Variants in TNFAIP8L3 observed in about 807,000 individuals in gnomAD.
The protein encoded by TNFAIP8L3 is TNF alpha induced protein 8 like 3, also known as tumor necrosis factor alpha-induced protein 8-like protein 3.
In TNFAIP8L3, 7 loss-of-function variants were observed where a neutral mutation model predicts 11.8. That is an observed-to-expected ratio of 0.59 (90% CI 0.34 to 1.11). The LOEUF is 1.11. Among genes scored for constraint, TNFAIP8L3 ranks in the 50% most tolerant of loss-of-function variants. TNFAIP8L3 has a pLI of 0.03. For missense variants in TNFAIP8L3, 219 were observed against 258.6 expected (o/e 0.85, Z 1.05); for synonymous variants, 98 against 103.8 (o/e 0.94, Z 0.34).
intron 1 of TNFAIP8L3, among the ~76,000 whole-genome samples, chr15:51,078,558 A>T (rs1283471698): frequency 6.6e-6 from 1 of 151,596 alleles, no homozygotes; most frequent in Non-Finnish European, 1.5e-5. Context: ...GACACTTCCC[A>T]AGTGTGAGAT....
upstream of TNFAIP8L3, among the ~76,000 whole-genome samples, chr15:51,095,690 A>G (rs78910850): frequency 0.023 from 3,530 of 152,280 alleles, 168 homozygotes; most frequent in African/African-American, 0.082. Context: ...TTACTAATTA[A>G]GAGCCCAAAC....
upstream of TNFAIP8L3, among the ~76,000 whole-genome samples, chr15:51,097,015 A>G (rs538055771): frequency 6.6e-6 from 1 of 152,304 alleles, no homozygotes; most frequent in Admixed American, 6.5e-5. Flanking sequence ...CTTTTCAGTT[A>G]TAAGGTAAAA....
At position 51,094,871 on chromosome 15, in the gene TNFAIP8L3, G is replaced by A. The variant is rs1237271194; in HGVS notation, c.-276C>T. On this transcript the variant is annotated 5_prime_UTR_variant, in exon 1 of 2. Coordinates refer to ENST00000637513, the MANE Select transcript of TNFAIP8L3 (RefSeq NM_001311175.2). The surrounding 1 kb of genome is among the most constrained non-coding windows in gnomAD (Gnocchi z 4.4). ...CCGGGAGACAGCCGGGAGGAGGGAGGGGAGGCGCGAGCGCCGAGGAGCCCG... is the reference window on the plus strand; with the variant it reads ...CCGGGAGACAGCCGGGAGGAGGGAGAGGAGGCGCGAGCGCCGAGGAGCCCG... Among the ~76,000 whole-genome samples, 2 of 151,156 alleles carry A rather than the reference G, an allele frequency of 1.3e-5. No individual in the cohort carries two copies. The highest frequency in any genetic ancestry group is 3.0e-5 in the Non-Finnish European group (2 of 67,768).
At chr15:51,070,498 G>A (rs147624156) in intron 1 of TNFAIP8L3, among the ~76,000 whole-genome samples, 3 of 152,268 alleles carry the variant, frequency 2.0e-5, no homozygotes, top group East Asian at 1.9e-4. Context: ...TAATGTCAGC[G>A]ATAGCAATGG....
upstream of TNFAIP8L3, among the ~76,000 whole-genome samples, chr15:51,097,409 G>A (rs79929332): frequency 4.0e-4 from 61 of 152,290 alleles, 1 homozygote; most frequent in South Asian, 0.011. Flanking sequence ...TTGGGCATGG[G>A]GGGGAGAGAA....
chr15:51,083,014 C>T (rs1232481008), intron 1 of TNFAIP8L3, among the ~76,000 whole-genome samples: 1 of 152,150 alleles, frequency 6.6e-6, no homozygotes, highest in African/African-American at 2.4e-5. Flanking sequence ...GGAATACCAA[C>T]TATTAAGGGT....
At chr15:51,075,562 G>A (rs1293166758) in intron 1 of TNFAIP8L3, among the ~76,000 whole-genome samples, 1 of 152,126 alleles carries the variant, frequency 6.6e-6, no homozygotes. Context: ...ACCACGGCAG[G>A]CACCCAAGAA....
At chr15:51,081,944 T>G (rs2065395326) in intron 1 of TNFAIP8L3, among the ~76,000 whole-genome samples, 1 of 152,184 alleles carries the variant, frequency 6.6e-6, no homozygotes, top group African/African-American at 2.4e-5. Context: ...ACAGTGGTCA[T>G]AGTCACTCAC....
At chr15:51,089,845 G>A (rs1300858105) in intron 1 of TNFAIP8L3, among the ~76,000 whole-genome samples, 1 of 152,326 alleles carries the variant, frequency 6.6e-6, no homozygotes, top group East Asian at 1.9e-4. Flanking sequence ...AGAGATCCGT[G>A]CAAATTTCAA....
chr15:51,072,030 T>C (rs1405315845), intron 1 of TNFAIP8L3, among the ~76,000 whole-genome samples: 2 of 152,242 alleles, frequency 1.3e-5, no homozygotes, highest in East Asian at 1.9e-4. Flanking sequence ...TTTTCTTTTT[T>C]GTATATTTTG....
At chr15:51,061,752 T>G (rs986096379) in intron 1 of TNFAIP8L3, among the ~76,000 whole-genome samples, 2 of 152,192 alleles carry the variant, frequency 1.3e-5, no homozygotes, top group South Asian at 4.1e-4. Context: ...ATTAAAAATT[T>G]TCCTTTGGAG....
At chr15:51,093,231 G>C (rs564562487) in intron 1 of TNFAIP8L3, among the ~76,000 whole-genome samples, 57 of 152,318 alleles carry the variant, frequency 3.7e-4, no homozygotes, top group Non-Finnish European at 4.9e-4. Context: ...CACGCATCTT[G>C]GCATTTCCTT....
intron 1 of TNFAIP8L3, among the ~76,000 whole-genome samples, chr15:51,072,686 C>T (rs187411997): frequency 1.3e-5 from 2 of 152,192 alleles, no homozygotes; most frequent in Admixed American, 1.3e-4. Flanking sequence ...TTGAATAGTT[C>T]ATACTTCTGC....
At chr15:51,072,156 T>G (rs1181318589) in intron 1 of TNFAIP8L3, among the ~76,000 whole-genome samples, 1 of 152,142 alleles carries the variant, frequency 6.6e-6, no homozygotes, top group Non-Finnish European at 1.5e-5. Flanking sequence ...CTATTTTTTT[T>G]TTAGATGGAG....
intron 1 of TNFAIP8L3, among the ~76,000 whole-genome samples, chr15:51,060,922 G>C (rs1307399486): frequency 6.6e-6 from 1 of 152,164 alleles, no homozygotes; most frequent in Non-Finnish European, 1.5e-5. Context: ...GATCAGTTGA[G>C]GTCAGGAGTT....
At chr15:51,093,758 AG>A (rs2065489406) in intron 1 of TNFAIP8L3, among the ~76,000 whole-genome samples, 1 of 152,144 alleles carries the variant, frequency 6.6e-6, no homozygotes, top group African/African-American at 2.4e-5. Flanking sequence ...AGGTGGGCAG[AG>A]ACCGGCGGCA....
chr15:51,102,449 A>G (rs2065560796), intron 1 of TNFAIP8L3, among the ~76,000 whole-genome samples: 1 of 152,204 alleles, frequency 6.6e-6, no homozygotes, highest in African/African-American at 2.4e-5. Context: ...TGTTGAGTGG[A>G]ACCTTTTGTT....
In TNFAIP8L3 at chr15:51,092,976, T is replaced by C. The variant is rs1595619783; in HGVS notation, c.52+1568A>G. ...AGCACAGAGAATGTTGTTCTTAGGATTTTGAGAGAGTTAAGCGTCAGGGTC... is the reference window on the plus strand; with the variant it reads ...AGCACAGAGAATGTTGTTCTTAGGACTTTGAGAGAGTTAAGCGTCAGGGTC... On this transcript the variant is annotated intron_variant, in intron 1 of 1. Transcript: ENST00000637513. Among the ~76,000 whole-genome samples the C allele has an allele frequency of 3.3e-5, 5 of 152,200 alleles. 1 individual carries two copies. The South Asian group carries it at 1.0e-3, about 32-fold the overall frequency.
chr15:51,088,373 C>A (rs903129116), intron 1 of TNFAIP8L3, among the ~76,000 whole-genome samples: 2 of 152,174 alleles, frequency 1.3e-5, no homozygotes, highest in African/African-American at 4.8e-5. Flanking sequence ...AGCCTTCCCA[C>A]TAGAATTCCA....
Sources: gnomAD v4.1 joint callset for allele counts (sites outside exome capture counted in the v4.1 genomes callset) on GRCh38, gnomAD v4.1.1 for gene constraint, Gnocchi (gnomAD v3.1) non-coding constraint, MANE v1.5 for transcripts, NCBI Gene and HGNC (gene_info 2026-07-23, HGNC 2026-07-21) for gene names.